Variants in ERAP1 observed in about 807,000 individuals in gnomAD.
ERAP1 encodes adipocyte-derived leucine aminopeptidase.
A neutral mutation model predicts 103.7 loss-of-function variants in ERAP1; 86 were observed. The ratio of observed to expected loss-of-function variants is 0.83; its 90% CI spans 0.70 to 0.99. ERAP1 has a LOEUF of 0.99. ERAP1 is among the 50% of genes least tolerant of loss of function. The pLI is 0.00. For synonymous variants in ERAP1, 398 were observed against 402.4 expected, an observed-to-expected ratio of 0.99 and a Z score of 0.13; for missense variants, 1,009 against 1,128.4, an observed-to-expected ratio of 0.89 and a Z score of 1.52.
chr5:96,917,390 GGATTACA>G, the ERAP1 span: 1 of 1,462,024 alleles, frequency 6.8e-7, no homozygotes, highest in Admixed American at 2.0e-5. Context: ...CGAAGTGCTG[GGATTACA>G]GGTGTGAACC....
chr5:96,901,612 G>T, the ERAP1 span: 1 of 1,614,104 alleles, frequency 6.2e-7, no homozygotes, highest in East Asian at 2.2e-5. Context: ...TGTTCACTCC[G>T]ACTGCAACAG....
At chr5:96,787,375 C>T (rs993472058) in intron 11 of ERAP1, among the ~76,000 whole-genome samples, 3 of 152,102 alleles carry the variant, frequency 2.0e-5, no homozygotes, top group African/African-American at 7.2e-5. Context: ...AAGCGATTCT[C>T]CTGCCTCACC....
At chr5:96,788,738 A>AAT in intron 10 of ERAP1, 53 bp from the exon 11 acceptor site, 1 of 1,599,440 alleles carries the variant, frequency 6.3e-7, no homozygotes, top group Non-Finnish European at 8.5e-7. Flanking sequence ...CAACTCTAAG[A>AAT]AAAGAGAGAA....
At chr5:96,886,799 A>G in the ERAP1 span, 1 of 1,478,776 alleles carries the variant, frequency 6.8e-7, no homozygotes, top group Non-Finnish European at 9.1e-7. Flanking sequence ...GGTGAGACTG[A>G]GTTCTAACGT....
the ERAP1 span, chr5:96,880,209 G>A: frequency 6.2e-7 from 1 of 1,613,916 alleles, no homozygotes; most frequent in African/African-American, 1.3e-5. Flanking sequence ...TTAGGTGATG[G>A]CTTTGAAGGG....
intron 16 of ERAP1, 65 bp downstream of exon 16, chr5:96,781,628 C>A: frequency 6.2e-7 from 1 of 1,604,546 alleles, no homozygotes; most frequent in Non-Finnish European, 8.5e-7. Context: ...AAAATAGATG[C>A]CAGAATGATC....
At chr5:96,776,756 GTTCTTTTGTTTATTC>G in intron 18 of ERAP1, 1 of 652,248 alleles carries the variant, frequency 1.5e-6, no homozygotes, top group Non-Finnish European at 2.5e-6. Context: ...TTTGTCTGCA[GTTCTTTTGTTTATTC>G]TCAGTTGCCA....
At chr5:96,773,648 G>C (rs1773243135), downstream of ERAP1, 1 of 152,102 alleles carries the variant, frequency 6.6e-6, no homozygotes, top group Non-Finnish European at 1.5e-5. Context: ...CCACAGCAAT[G>C]TAAGAAGTAG....
chr5:96,800,993 C>G lies in ERAP1; in HGVS notation c.532G>C (p.Ala178Pro). Residue 178 changes from alanine (A) to proline (P), a missense_variant, in exon 3 of 19, where the codon GCA becomes CCA. This residue lies in a region of ERAP1 where 392 missense variants were observed against 455.2 expected (regional missense o/e 0.86). Transcript: ENST00000443439. ...RTKEGELRIL[A>P]STQFEPTAAR... ...GCAGTGGGTTCAAATTGTGTTGATG[C>G]TAGTATCCTAAAATTAAGGCAAGTG... is the stretch of plus-strand genomic sequence containing the variant. 6.2e-7 allele frequency: 1 copy of G among 1,613,956 alleles called. No individual in the cohort carries two copies. The highest frequency in any genetic ancestry group is 8.5e-7 in the Non-Finnish European group (1 of 1,180,014).
At chr5:96,914,294 C>T in the ERAP1 span, among the ~76,000 whole-genome samples, 1 of 152,190 alleles carries the variant, frequency 6.6e-6, no homozygotes, top group Non-Finnish European at 1.5e-5. Context: ...GGTCAGTTAG[C>T]ATCCCTGATA....
chr5:96,896,876 T>C, the ERAP1 span: 1 of 1,568,826 alleles, frequency 6.4e-7, no homozygotes, highest in South Asian at 1.2e-5. Flanking sequence ...AAGTCATATG[T>C]TGGGTAACGA....
chr5:96,781,282 GA>G (rs890553333), intron 16 of ERAP1, 84 bp from the exon 17 acceptor site: 40 of 1,421,900 alleles, frequency 2.8e-5, no homozygotes, highest in Middle Eastern at 2.1e-4. Context: ...ACTTGTAAAA[GA>G]AAAAAAAGTC....
chr5:96,798,864 A>C (rs1401361451), intron 3 of ERAP1, among the ~76,000 whole-genome samples: 1 of 103,272 alleles, frequency 9.7e-6, no homozygotes, highest in Non-Finnish European at 2.1e-5. Flanking sequence ...CCTACAACAA[A>C]AATTTCCTTT....
At chr5:96,920,225 A>C in the ERAP1 span, among the ~76,000 whole-genome samples, 1 of 151,668 alleles carries the variant, frequency 6.6e-6, no homozygotes, top group African/African-American at 2.4e-5. Flanking sequence ...GGATCACTTG[A>C]TCCTGGGAGG....
the ERAP1 span, among the ~76,000 whole-genome samples, chr5:96,856,968 C>T: frequency 5.3e-5 from 8 of 152,322 alleles, no homozygotes; most frequent in South Asian, 1.5e-3. Context: ...CATCCTGATG[C>T]CCTCAGTTGG....
chr5:96,909,562 A>C, the ERAP1 span: 5 of 1,603,812 alleles, frequency 3.1e-6, no homozygotes, highest in South Asian at 5.5e-5. Context: ...TCTGTTAACC[A>C]TCTCATATTT....
chr5:96,796,337 C>T (rs1249158215), intron 4 of ERAP1, among the ~76,000 whole-genome samples: 1 of 152,204 alleles, frequency 6.6e-6, no homozygotes, highest in Non-Finnish European at 1.5e-5. Flanking sequence ...TGCAACAGTA[C>T]CCAAATGAGG....
the ERAP1 span, chr5:96,902,906 T>C: frequency 6.5e-6 from 1 of 154,648 alleles, no homozygotes; most frequent in East Asian, 1.9e-4. Context: ...TTTAATTTTC[T>C]TCTAAACACT....
At chr5:96,890,250 G>A in the ERAP1 span, among the ~76,000 whole-genome samples, 1 of 152,204 alleles carries the variant, frequency 6.6e-6, no homozygotes, top group African/African-American at 2.4e-5. Flanking sequence ...TGGGTGGATG[G>A]TTTTTGGATG....
Sources: allele counts gnomAD v4.1 joint callset (sites outside exome capture counted in the v4.1 genomes callset), GRCh38; gene constraint gnomAD v4.1.1; regional missense constraint gnomAD v4.1.1; transcripts MANE v1.5; gene names NCBI Gene and HGNC (gene_info 2026-07-23, HGNC 2026-07-21).